DYNC2H1: variants seen among roughly 807,000 people sequenced by gnomAD.
The protein encoded by DYNC2H1 is dynein cytoplasmic 2 heavy chain 1, also known as cytoplasmic dynein 2 heavy chain 1.
Under a neutral mutation model 570.0 loss-of-function variants are expected in DYNC2H1, and 410 were observed. The ratio of observed to expected loss-of-function variants is 0.72; its 90% confidence interval spans 0.66 to 0.78. DYNC2H1 has a LOEUF of 0.78. Among genes scored for constraint, DYNC2H1 ranks in the 30% least tolerant of loss-of-function variants. The pLI, the probability that DYNC2H1 is intolerant of heterozygous loss-of-function variation, is 0.00. For synonymous variants in DYNC2H1, 1,688 were observed against 1,677.6 expected, an observed-to-expected ratio of 1.01 and a Z score of -0.15; for missense variants, 4,865 against 5,046.4, an observed-to-expected ratio of 0.96 and a Z score of 1.09.
intron 11 of DYNC2H1, 96 bp from the exon 12 acceptor site, chr11:103,125,004 T>C: frequency 1.1e-6 from 1 of 869,794 alleles, no homozygotes; most frequent in Non-Finnish European, 1.7e-6. Flanking sequence ...TTTGAGCTAA[T>C]ATTAGATGTA....
rs1270275630 is a variant in DYNC2H1 at position 103,157,605 on chromosome 11, T to C, written c.4127+835T>C. 1.3e-5 allele frequency among the ~76,000 whole-genome samples: 2 copies of C among 152,246 alleles called. No homozygotes were observed. Among genetic ancestry groups the C allele is most frequent in the African/African-American group, 4.8e-5 (2 of 41,476 alleles). On this transcript the variant is annotated intron_variant, in intron 26 of 88. Transcript: ENST00000375735. This position sits in a 1 kb window ranked among gnomAD's most constrained non-coding sequence, Gnocchi z 4.2. ...CTTAGTATATCTTGAGCCAAATACC[T>C]GTACAGAAGTATATCTGTACTTCTA...
At chr11:103,337,734 G>A (rs1402610997) in intron 82 of DYNC2H1, among the ~76,000 whole-genome samples, 1 of 152,006 alleles carries the variant, frequency 6.6e-6, no homozygotes, top group African/African-American at 2.4e-5. Flanking sequence ...CCAATTATTT[G>A]TTACTTTGCT....
At chr11:103,455,367 C>A in intron 86 of DYNC2H1, 72 bp downstream of exon 86, 1 of 1,140,684 alleles carries the variant, frequency 8.8e-7, no homozygotes, top group Non-Finnish European at 1.3e-6. Context: ...CTTCCTATTA[C>A]ACTGCCCTTG....
intron 70 of DYNC2H1, among the ~76,000 whole-genome samples, chr11:103,270,058 T>G (rs955252702): frequency 6.6e-5 from 10 of 151,836 alleles, no homozygotes; most frequent in Middle Eastern, 3.4e-3. Flanking sequence ...CTGGGCATGG[T>G]GGGGTGTGCC....
chr11:103,160,131 C>G (rs1861026311), intron 28 of DYNC2H1, among the ~76,000 whole-genome samples: 1 of 152,066 alleles, frequency 6.6e-6, no homozygotes, highest in Non-Finnish European at 1.5e-5. Flanking sequence ...CAACCAATTT[C>G]TCTATTGTTT....
chr11:103,374,123 A>G (rs11501369), intron 83 of DYNC2H1, among the ~76,000 whole-genome samples: 5,386 of 152,212 alleles, frequency 0.035, 317 homozygotes, highest in African/African-American at 0.12. Flanking sequence ...CAGCCACACT[A>G]TATCTTTTAA....
chr11:103,260,708 C>T (rs1273946186), intron 70 of DYNC2H1, among the ~76,000 whole-genome samples: 1 of 151,166 alleles, frequency 6.6e-6, no homozygotes, highest in Non-Finnish European at 1.5e-5. Context: ...CAAGCTCTGC[C>T]TCCTGGGTTC....
chr11:103,400,179 T>TTTA (rs1283483940), intron 84 of DYNC2H1, among the ~76,000 whole-genome samples: 1 of 152,150 alleles, frequency 6.6e-6, no homozygotes, highest in East Asian at 1.9e-4. Context: ...GAGCTTGAGT[T>TTTA]TTATATTCCA....
intron 80 of DYNC2H1, among the ~76,000 whole-genome samples, chr11:103,316,973 A>G (rs185143888): frequency 2.2e-4 from 34 of 152,260 alleles, no homozygotes; most frequent in African/African-American, 8.2e-4. Flanking sequence ...TGGAGTCATA[A>G]TTGAATTACT....
rs528753596 is a variant in DYNC2H1, at chr11:103,205,428, A to G, written c.8454+464A>G. Among the ~76,000 whole-genome samples the G allele has an allele frequency of 6.6e-6, 1 of 152,344 alleles. No individual in the cohort carries two copies. Among genetic ancestry groups the G allele is most frequent in the Non-Finnish European group, 1.5e-5 (1 of 68,036 alleles). Reference sequence around the variant, plus strand: ...GTAATAATTTCAACATTGTTTGTTTAAATGATATTCATATTCTCAATCACT... The same window carrying G: ...GTAATAATTTCAACATTGTTTGTTTGAATGATATTCATATTCTCAATCACT... On this transcript the variant is annotated intron_variant, in intron 52 of 88. Coordinates refer to ENST00000375735, the MANE Select transcript of DYNC2H1 (RefSeq NM_001377.3). The surrounding 1 kb of genome is among the most constrained non-coding windows in gnomAD (Gnocchi z 4.5).
rs757845801 is a variant in DYNC2H1 at position 103,134,352 on chromosome 11, G to A, written c.2138G>A (p.Arg713Gln). ...VVVLMNIDLL[R>Q]QQQRWKDGLQ... ...GTTCTTATGAATATTGATCTGCTTC[G>A]GCAGCAACAGCGCTGGAAAGATGGA... The change falls in exon 15 of 89, where the codon CGG (arginine) becomes CAG (glutamine). Residue 713 changes from arginine (R) to glutamine (Q), a missense_variant. This residue lies in a region of DYNC2H1 where 1,936 missense variants were observed against 1,962.1 expected (regional missense o/e 0.99). Coordinates refer to ENST00000375735, the MANE Select transcript of DYNC2H1 (RefSeq NM_001377.3). 42 of 1,612,150 alleles carry A rather than the reference G, an allele frequency of 2.6e-5. No homozygotes were observed. The highest frequency in any genetic ancestry group is 2.5e-5 in the Non-Finnish European group (29 of 1,178,874).
At chr11:103,300,804 G>A (rs1867015125) in intron 75 of DYNC2H1, among the ~76,000 whole-genome samples, 1 of 151,848 alleles carries the variant, frequency 6.6e-6, no homozygotes, top group Non-Finnish European at 1.5e-5. Flanking sequence ...GTGTACATTG[G>A]TTAAATAAAC....
At chr11:103,351,463 G>T (rs1300772609) in intron 82 of DYNC2H1, among the ~76,000 whole-genome samples, 2 of 152,188 alleles carry the variant, frequency 1.3e-5, no homozygotes, top group Non-Finnish European at 2.9e-5. Context: ...GTGATTGCAG[G>T]AACGCATCAT....
At chr11:103,377,665 A>T (rs1173618247) in intron 83 of DYNC2H1, among the ~76,000 whole-genome samples, 1 of 152,022 alleles carries the variant, frequency 6.6e-6, no homozygotes, top group Non-Finnish European at 1.5e-5. Flanking sequence ...AATACAAATA[A>T]TTTTTTCTTC....
chr11:103,260,988 G>A (rs1162062263), intron 70 of DYNC2H1, among the ~76,000 whole-genome samples: 2 of 151,720 alleles, frequency 1.3e-5, no homozygotes, highest in African/African-American at 4.8e-5. Context: ...GAATAGCTTT[G>A]TAAAGGCAAT....
intron 88 of DYNC2H1, among the ~76,000 whole-genome samples, chr11:103,478,827 G>A (rs563186784): frequency 2.0e-4 from 30 of 151,958 alleles, no homozygotes; most frequent in African/African-American, 7.0e-4. Context: ...TTTATTTATA[G>A]AGATATATAT....
Position 103,243,799 on chromosome 11 carries a change from T to G in DYNC2H1, c.9918+8T>G. On this transcript the variant is annotated splice_region_variant and intron_variant, in intron 64 of 88. Transcript: ENST00000375735. The surrounding 1 kb of genome is among the most constrained non-coding windows in gnomAD (Gnocchi z 4.8). ...GAAGTTATCAATCAGCAGGTATGTATTATTTATAATTTACATACCAATTAG... is the reference window on the plus strand; with the variant it reads ...GAAGTTATCAATCAGCAGGTATGTAGTATTTATAATTTACATACCAATTAG... 6.5e-7 allele frequency: 1 copy of G among 1,549,680 alleles called. No homozygotes were observed.
intron 31 of DYNC2H1, among the ~76,000 whole-genome samples, chr11:103,167,650 T>C (rs1041821461): frequency 6.6e-6 from 1 of 152,216 alleles, no homozygotes; most frequent in Non-Finnish European, 1.5e-5. Flanking sequence ...TCTTTTCTTA[T>C]GTGAATTGAG....
intron 10 of DYNC2H1, among the ~76,000 whole-genome samples, chr11:103,121,697 T>C (rs1272565961): frequency 6.6e-6 from 1 of 152,200 alleles, no homozygotes; most frequent in South Asian, 2.1e-4. Context: ...GTAGAGATAA[T>C]GCATCATTTA....
Sources: allele counts gnomAD v4.1 joint callset (sites outside exome capture counted in the v4.1 genomes callset), GRCh38; gene constraint gnomAD v4.1.1; regional missense constraint gnomAD v4.1.1; non-coding constraint Gnocchi (gnomAD v3.1); transcripts MANE v1.5; gene names NCBI Gene and HGNC (gene_info 2026-07-23, HGNC 2026-07-21).